The following MYO6 variants were observed in gnomAD, a reference collection of about 807,000 sequenced individuals.
MYO6 encodes myosin VI.
A neutral mutation model predicts 178.7 loss-of-function variants in MYO6; 74 were observed. That is an observed-to-expected ratio of 0.41 (90% CI 0.34 to 0.50). MYO6 has a LOEUF of 0.50. MYO6 is among the 20% of genes least tolerant of loss of function. The pLI is 0.09. For synonymous variants in MYO6, 477 were observed against 504.6 expected (o/e 0.95, Z 0.73); for missense variants, 1,330 against 1,547.4 (o/e 0.86, Z 2.36).
chr6:75,867,247 TA>T (rs1776776350), intron 18 of MYO6, 142 bp downstream of exon 18: 3 of 664,800 alleles, frequency 4.5e-6, no homozygotes, highest in Non-Finnish European at 2.5e-6. Context: ...TATTTGTATG[TA>T]AAATATCATA....
In MYO6 at chr6:75,866,884, T is replaced by C. The variant is rs114589661; in HGVS notation, c.1771-48T>C. ...CTTTGGACAGAGCCATGTTAAGTGATGTTATCACAAGATGGACAGAAACAT... is the reference window on the plus strand; with the variant it reads ...CTTTGGACAGAGCCATGTTAAGTGACGTTATCACAAGATGGACAGAAACAT... On this transcript the variant is annotated intron_variant, in intron 17 of 34. Transcript: ENST00000369977. 541 of 1,579,384 alleles carry C rather than the reference T, an allele frequency of 3.4e-4. 1 individual carries two copies. In the African/African-American group the frequency reaches 6.4e-3, roughly 19 times the overall value.
chr6:75,813,017 C>T (rs1770845621), intron 1 of MYO6, among the ~76,000 whole-genome samples: 1 of 152,168 alleles, frequency 6.6e-6, no homozygotes, highest in South Asian at 2.1e-4. Flanking sequence ...AAGGAACCTG[C>T]AAACTGTTCT....
intron 30 of MYO6, 130 bp from the exon 31 acceptor site, chr6:75,907,475 A>G (rs988684354): frequency 2.8e-6 from 2 of 725,336 alleles, no homozygotes; most frequent in Admixed American, 2.3e-5. Context: ...TCATCTGTCA[A>G]AGAAACAAAA....
chr6:75,789,424 G>T (rs1391781640), intron 1 of MYO6, among the ~76,000 whole-genome samples: 1 of 151,972 alleles, frequency 6.6e-6, no homozygotes, highest in Non-Finnish European at 1.5e-5. Context: ...AATTCGTATT[G>T]AGTAATCAAA....
rs1562294172 is a variant in MYO6, at chr6:75,892,579, A to G, written c.2996A>G (p.Gln999Arg). ...CGACAGAAGGAGGAGGAATCCCAAC[A>G]GCAAGCAGTTCTGGAGCAGGAGCGC... Reference protein sequence around the residue: ...LARQKEEESQQQAVLEQERRD... With the variant: ...LARQKEEESQRQAVLEQERRD... The change falls in exon 28 of 35, where the codon CAG becomes CGG. Residue 999 changes from glutamine (Q) to arginine (R), a missense_variant. Around this residue, in one of 3 missense-constraint regions of MYO6, gnomAD observed 601 missense variants for 626.1 expected, o/e 0.96. Coordinates refer to ENST00000369977, the MANE Select transcript of MYO6 (RefSeq NM_004999.4). 6.2e-7 allele frequency: 1 copy of G among 1,613,898 alleles called. No individual in the cohort carries two copies.
At chr6:75,766,429 T>G (rs1402684577) in intron 1 of MYO6, among the ~76,000 whole-genome samples, 1 of 152,092 alleles carries the variant, frequency 6.6e-6, no homozygotes, top group Non-Finnish European at 1.5e-5. Flanking sequence ...ACTTAAAAAT[T>G]AATACAGTAT....
chr6:75,793,169 C>G (rs1768418760), intron 1 of MYO6, among the ~76,000 whole-genome samples: 1 of 152,060 alleles, frequency 6.6e-6, no homozygotes, highest in Non-Finnish European at 1.5e-5. Flanking sequence ...GAAAATATTT[C>G]CAATTTTATA....
intron 20 of MYO6, among the ~76,000 whole-genome samples, chr6:75,874,952 C>G (rs1302411960): frequency 6.6e-6 from 1 of 152,266 alleles, no homozygotes; most frequent in African/African-American, 2.4e-5. Context: ...ACATTTGACT[C>G]TGGCCAACCC....
intron 14 of MYO6, among the ~76,000 whole-genome samples, chr6:75,859,708 G>GGAATGCA (rs1438757424): frequency 1.4e-5 from 2 of 142,138 alleles, no homozygotes; most frequent in Admixed American, 1.5e-4. Flanking sequence ...TGCTCAGGCT[G>GGAATGCA]GAATGCAGTG....
chr6:75,786,081 A>T (rs1267287532), intron 1 of MYO6, among the ~76,000 whole-genome samples: 2 of 151,750 alleles, frequency 1.3e-5, no homozygotes, highest in East Asian at 3.9e-4. Flanking sequence ...ACGCCCAGCT[A>T]AATTTTTTTT....
intron 2 of MYO6, among the ~76,000 whole-genome samples, chr6:75,822,354 T>C (rs1238601811): frequency 2.0e-5 from 3 of 152,188 alleles, no homozygotes; most frequent in Non-Finnish European, 4.4e-5. Flanking sequence ...CGCCTCGGCC[T>C]CCCAAAGTGT....
chr6:75,820,525 A>T (rs923484293), intron 2 of MYO6, among the ~76,000 whole-genome samples: 1 of 151,976 alleles, frequency 6.6e-6, no homozygotes, highest in Admixed American at 6.6e-5. Flanking sequence ...GCCCACCACC[A>T]TGTCTGGCTA....
chr6:75,802,043 C>G (rs1265750959), intron 1 of MYO6, among the ~76,000 whole-genome samples: 2 of 151,970 alleles, frequency 1.3e-5, no homozygotes, highest in Non-Finnish European at 2.9e-5. Context: ...ATAATTGATT[C>G]AAGAAATGAA....
chr6:75,843,734 A>AT (rs901112955), intron 9 of MYO6, among the ~76,000 whole-genome samples: 33 of 150,064 alleles, frequency 2.2e-4, no homozygotes, highest in African/African-American at 8.1e-4. Context: ...CTTCTCTTTT[A>AT]TTTTTTTCCC....
Position 75,848,438 on chromosome 6 carries a change from T to C in MYO6, c.985T>C (p.Leu329=). 1 of 1,613,860 alleles carries C rather than the reference T, an allele frequency of 6.2e-7. No individual in the cohort carries two copies. Among genetic ancestry groups the C allele is most frequent in the Non-Finnish European group, 8.5e-7 (1 of 1,179,860 alleles). Residue 329 remains leucine, a synonymous_variant, in exon 11 of 35, where the codon TTG becomes CTG. Coordinates refer to ENST00000369977, the MANE Select transcript of MYO6 (RefSeq NM_004999.4). ...GTGCACGGCTATGAAAAAAATTGGT[T>C]TGGATGATGAAGAAAAGCTTGATCT... ...RMCTAMKKIG[L]DDEEKLDLFR... is the part of the protein sequence containing the mutation.
chr6:75,881,139 G>C (rs1453607669), intron 22 of MYO6, among the ~76,000 whole-genome samples: 5 of 152,084 alleles, frequency 3.3e-5, no homozygotes, highest in Non-Finnish European at 7.4e-5. Flanking sequence ...TGTAATCTCA[G>C]CTACTTGGGT....
chr6:75,851,837 CAAA>C (rs1277503995), intron 11 of MYO6, among the ~76,000 whole-genome samples: 1 of 151,590 alleles, frequency 6.6e-6, no homozygotes, highest in Non-Finnish European at 1.5e-5. Context: ...ACCCTGTCTC[CAAA>C]AAAATTTGGT....
rs1357709684 is a variant in MYO6, at chr6:75,917,826, A to G, written c.*2814A>G. On this transcript the variant is annotated 3_prime_UTR_variant, in exon 35 of 35. Coordinates refer to ENST00000369977, the MANE Select transcript of MYO6 (RefSeq NM_004999.4). Reference sequence around the variant, plus strand: ...ATTAATTGGATATTTTTTAAAAGACATTTTCATTCACAGGTCATTACTATG... The same window carrying G: ...ATTAATTGGATATTTTTTAAAAGACGTTTTCATTCACAGGTCATTACTATG... 2.0e-5 allele frequency: 3 copies of G among 152,652 alleles called. No homozygotes were observed. Among genetic ancestry groups the G allele is most frequent in the Admixed American group, 2.0e-4 (3 of 15,294 alleles). The allele number at this position is 152,652 out of a possible 1,614,324, so 9.5% of individuals were successfully genotyped here. A position where few individuals can be genotyped will look rare whatever the true frequency, so the allele number is the denominator to read the frequency against.
intron 1 of MYO6, among the ~76,000 whole-genome samples, chr6:75,805,021 A>ATATATATAT (rs1252912172): frequency 1.4e-4 from 11 of 77,288 alleles, no homozygotes; most frequent in South Asian, 9.0e-4. Flanking sequence ...ATATATATAT[A>ATATATATAT]TTTTTTTTTT....
Sources: gnomAD v4.1 joint callset for allele counts (sites outside exome capture counted in the v4.1 genomes callset) on GRCh38, gnomAD v4.1.1 for gene constraint, gnomAD v4.1.1 regional missense constraint, MANE v1.5 for transcripts, NCBI Gene and HGNC (gene_info 2026-07-23, HGNC 2026-07-21) for gene names.